Variants in PCDH11Y observed in about 807,000 individuals in gnomAD.
The protein encoded by PCDH11Y is protocadherin-11 Y-linked.
For synonymous variants in PCDH11Y, 9 were observed against 83.6 expected, an observed-to-expected ratio of 0.11 and a Z score of 4.87; for missense variants, 12 against 224.8, an observed-to-expected ratio of 0.05 and a Z score of 6.05.
intron 4 of PCDH11Y, among the ~76,000 whole-genome samples, chrY:5,656,006 T>C (rs34976899): frequency 4.2e-4 from 12 of 28,636 alleles, no homozygotes; most frequent in Non-Finnish European, 8.1e-5. Context: ...TCTCAGCCTC[T>C]GCAGTATCTG....
intron 4 of PCDH11Y, among the ~76,000 whole-genome samples, chrY:5,672,978 G>A: frequency 3.3e-5 from 1 of 30,149 alleles, no homozygotes. Context: ...CATTCAATAG[G>A]TGGAGTTTTC....
chrY:5,141,942 C>T (rs2052851197), intron 2 of PCDH11Y, among the ~76,000 whole-genome samples: 1 of 26,120 alleles, frequency 3.8e-5, no homozygotes. Flanking sequence ...AGAGCTTCTG[C>T]ACAGCAAAAG....
intron 2 of PCDH11Y, among the ~76,000 whole-genome samples, chrY:5,385,159 C>A (rs2053211777): frequency 6.2e-5 from 1 of 16,170 alleles, no homozygotes; most frequent in Non-Finnish European, 1.3e-4. Context: ...TTTTAATTTC[C>A]ATAGGTTATT....
At chrY:5,147,478 C>A in intron 2 of PCDH11Y, among the ~76,000 whole-genome samples, 6 of 29,474 alleles carry the variant, frequency 2.0e-4, no homozygotes, top group Non-Finnish European at 3.2e-4. Context: ...ACCTTAGGAT[C>A]ACACAATATT....
intron 2 of PCDH11Y, among the ~76,000 whole-genome samples, chrY:5,486,101 A>T: frequency 3.1e-5 from 1 of 31,933 alleles, no homozygotes; most frequent in Non-Finnish European, 7.6e-5. Flanking sequence ...CTAACAAATG[A>T]ATATTAGATG....
At chrY:5,206,869 T>G in intron 2 of PCDH11Y, among the ~76,000 whole-genome samples, 1 of 28,905 alleles carries the variant, frequency 3.5e-5, no homozygotes, top group Admixed American at 3.3e-4. Flanking sequence ...CAAGGTTCGA[T>G]TCTCAGGAAA....
At chrY:5,504,889 G>GT (rs2053357586) in intron 3 of PCDH11Y, among the ~76,000 whole-genome samples, 1 of 32,845 alleles carries the variant, frequency 3.0e-5, no homozygotes, top group African/African-American at 1.2e-4. Context: ...TTTCCAATTT[G>GT]TTTTCTAAAT....
chrY:5,213,687 G>A lies in PCDH11Y; in HGVS notation c.3129+112980G>A, dbSNP rs2124651366. On this transcript the variant is annotated intron_variant, in intron 2 of 4. Coordinates refer to the PCDH11Y transcript ENST00000400457. ...GTTTATCACACATCCTTCAGAGGGA[G>A]GCTACCTGCTGTGATACTAGAAGGC... Among the ~76,000 whole-genome samples the A allele has an allele frequency of 9.3e-5, 3 of 32,229 alleles. No individual in the cohort carries two copies. In the East Asian group the frequency reaches 2.5e-3, roughly 26 times the overall value. 86.5% of individuals were successfully genotyped at this position (32,229 alleles called of 37,273 possible).
chrY:5,320,023 G>A, intron 2 of PCDH11Y, among the ~76,000 whole-genome samples: 1 of 32,885 alleles, frequency 3.0e-5, no homozygotes, highest in African/African-American at 1.2e-4. Context: ...ATTTCATTCT[G>A]GGGCTACTAT....
chrY:5,053,445 C>T, upstream of PCDH11Y, among the ~76,000 whole-genome samples: 1 of 32,153 alleles, frequency 3.1e-5, no homozygotes, highest in Non-Finnish European at 7.6e-5. Context: ...GAATGAATTT[C>T]CGGTTATGAA....
intron 2 of PCDH11Y, among the ~76,000 whole-genome samples, chrY:5,176,938 A>G: frequency 3.1e-5 from 1 of 32,088 alleles, no homozygotes; most frequent in African/African-American, 1.2e-4. Flanking sequence ...AGTCCCTTCA[A>G]TGTAAAAGTA....
intron 2 of PCDH11Y, among the ~76,000 whole-genome samples, chrY:5,257,509 A>C: frequency 3.2e-5 from 1 of 30,947 alleles, no homozygotes; most frequent in Non-Finnish European, 7.8e-5. Flanking sequence ...AACTGGGACT[A>C]CAGGTGTTCG....
At chrY:5,355,903 A>T in intron 2 of PCDH11Y, among the ~76,000 whole-genome samples, 1 of 33,710 alleles carries the variant, frequency 3.0e-5, no homozygotes, top group African/African-American at 1.2e-4. Context: ...TATGGGTTTG[A>T]ATTTTTATGG....
At chrY:5,218,213 G>A in intron 2 of PCDH11Y, among the ~76,000 whole-genome samples, 4 of 32,526 alleles carry the variant, frequency 1.2e-4, no homozygotes, top group African/African-American at 4.8e-4. Context: ...CTACATTAAA[G>A]TTGTGTTTCT....
chrY:5,380,880 A>C, intron 2 of PCDH11Y, among the ~76,000 whole-genome samples: 4 of 30,677 alleles, frequency 1.3e-4, no homozygotes, highest in Non-Finnish European at 3.1e-4. Context: ...TGAGCCACCG[A>C]GCCCGGCAGT....
At chrY:5,129,478 CAGAG>C (rs60771778) in intron 2 of PCDH11Y, among the ~76,000 whole-genome samples, 10 of 12,462 alleles carry the variant, frequency 8.0e-4, no homozygotes, top group Non-Finnish European at 1.3e-3. Context: ...CACACACACA[CAGAG>C]AGAGAGAGAG....
At chrY:5,303,752 C>T (rs2053086316) in intron 2 of PCDH11Y, among the ~76,000 whole-genome samples, 64 of 33,168 alleles carry the variant, frequency 1.9e-3, no homozygotes, top group African/African-American at 5.6e-3. Context: ...AGCAGGCCTG[C>T]ATGGTGCATT....
chrY:5,555,202 C>A (rs2124694535), intron 3 of PCDH11Y, among the ~76,000 whole-genome samples: 1 of 32,841 alleles, frequency 3.0e-5, no homozygotes, highest in South Asian at 6.9e-4. Flanking sequence ...TTGCATGGGG[C>A]CTGTAGCCTC....
intron 4 of PCDH11Y, among the ~76,000 whole-genome samples, chrY:5,592,941 A>T (rs2053463502): frequency 3.8e-5 from 1 of 26,146 alleles, no homozygotes; most frequent in Non-Finnish European, 9.1e-5. Context: ...GTTGCCTTTA[A>T]TTTTTTTTTT....
Sources: allele counts gnomAD v4.1 joint callset (sites outside exome capture counted in the v4.1 genomes callset), GRCh38; gene constraint gnomAD v4.1.1; transcripts MANE v1.5; gene names NCBI Gene and HGNC (gene_info 2026-07-23, HGNC 2026-07-21).